CCSER1: variants seen among roughly 807,000 people sequenced by gnomAD.
CCSER1 encodes coiled-coil serine rich protein 1, also known as serine-rich coiled-coil domain-containing protein 1.
In CCSER1, 41 loss-of-function variants were observed where a neutral mutation model predicts 82.0. The observed-to-expected ratio is 0.50, with a 90% CI of 0.39 to 0.65. CCSER1 has a LOEUF of 0.65. CCSER1 is among the 30% of genes least tolerant of loss of function. The pLI, the probability that CCSER1 is intolerant of heterozygous loss-of-function variation, is 0.00. For missense variants in CCSER1, 1,119 were observed against 1,064.2 expected, an observed-to-expected ratio of 1.05 and a Z score of -0.72; for synonymous variants, 414 against 383.9, an observed-to-expected ratio of 1.08 and a Z score of -0.92.
chr4:90,221,910 A>T (rs2153421634), intron 1 of CCSER1, among the ~76,000 whole-genome samples: 1 of 152,334 alleles, frequency 6.6e-6, no homozygotes, highest in South Asian at 2.1e-4. Flanking sequence ...TGAATAAAAC[A>T]TAACTCATAT....
At chr4:90,538,293 A>G (rs1464143002) in intron 5 of CCSER1, among the ~76,000 whole-genome samples, 1 of 152,066 alleles carries the variant, frequency 6.6e-6, no homozygotes, top group Non-Finnish European at 1.5e-5. Flanking sequence ...GATATTCTCT[A>G]TATAAGATAT....
In CCSER1 at chr4:90,289,046, C is replaced by G. The variant is rs374732368; in HGVS notation, c.-41-19198C>G. ...TCCTTCCTCCTCTCCTCCTCTCTCCCTTTGGATTCCAGAAGTGAGAAAGTA... is the reference window on the plus strand; with the variant it reads ...TCCTTCCTCCTCTCCTCCTCTCTCCGTTTGGATTCCAGAAGTGAGAAAGTA... On this transcript the variant is annotated intron_variant, in intron 1 of 10. Coordinates refer to ENST00000509176, the MANE Select transcript of CCSER1 (RefSeq NM_001145065.2). 3.9e-5 allele frequency among the ~76,000 whole-genome samples: 6 copies of G among 152,008 alleles called. No individual in the cohort carries two copies. In the East Asian group the frequency reaches 1.2e-3, roughly 30 times the overall value.
intron 10 of CCSER1, among the ~76,000 whole-genome samples, chr4:91,384,867 A>G (rs1751175618): frequency 1.3e-5 from 2 of 152,090 alleles, no homozygotes; most frequent in African/African-American, 4.8e-5. Context: ...AAATGATGAG[A>G]AAAACGGAAA....
chr4:90,257,027 C>T (rs1369587089), intron 1 of CCSER1, among the ~76,000 whole-genome samples: 1 of 151,566 alleles, frequency 6.6e-6, no homozygotes, highest in Non-Finnish European at 1.5e-5. Flanking sequence ...TTCAGGCATC[C>T]ACTGCGGGGG....
intron 7 of CCSER1, chr4:90,780,489 G>T: frequency 6.2e-7 from 1 of 1,612,298 alleles, no homozygotes; most frequent in South Asian, 1.1e-5. Context: ...ATCAATTGAA[G>T]ATTGGGGTTC....
intron 10 of CCSER1, among the ~76,000 whole-genome samples, chr4:91,159,043 C>G (rs1731110010): frequency 6.6e-6 from 1 of 151,858 alleles, no homozygotes; most frequent in Non-Finnish European, 1.5e-5. Context: ...ATATTTCTCC[C>G]CTCCTTAAGA....
At chr4:90,983,029 A>T (rs529274998) in intron 9 of CCSER1, among the ~76,000 whole-genome samples, 1 of 151,822 alleles carries the variant, frequency 6.6e-6, no homozygotes, top group South Asian at 2.1e-4. Flanking sequence ...AGACCTTCTC[A>T]TTTACCAGTC....
At chr4:90,851,422 T>C (rs1401901413) in intron 8 of CCSER1, among the ~76,000 whole-genome samples, 1 of 145,556 alleles carries the variant, frequency 6.9e-6, no homozygotes, top group African/African-American at 2.5e-5. Flanking sequence ...CCAATCATTG[T>C]ATTAATTCTG....
chr4:90,618,813 T>C (rs979521627), intron 5 of CCSER1, among the ~76,000 whole-genome samples: 7 of 151,860 alleles, frequency 4.6e-5, no homozygotes, highest in African/African-American at 1.4e-4. Context: ...AATAAGTAAA[T>C]CACTTTAGAC....
intron 10 of CCSER1, among the ~76,000 whole-genome samples, chr4:91,338,962 C>A (rs1747515602): frequency 6.6e-6 from 1 of 152,160 alleles, no homozygotes; most frequent in African/African-American, 2.4e-5. Flanking sequence ...CATTTGAAGA[C>A]CACTGTTCCT....
intron 10 of CCSER1, among the ~76,000 whole-genome samples, chr4:91,233,136 G>A (rs947575918): frequency 6.6e-6 from 1 of 151,654 alleles, no homozygotes; most frequent in Non-Finnish European, 1.5e-5. Context: ...AAGAGAGGAA[G>A]GGAGGAAGGG....
chr4:90,417,753 G>A (rs1027229219), intron 4 of CCSER1, among the ~76,000 whole-genome samples: 2 of 152,238 alleles, frequency 1.3e-5, no homozygotes, highest in East Asian at 1.9e-4. Flanking sequence ...AACTCCTCCT[G>A]TGCCTATTAA....
intron 10 of CCSER1, among the ~76,000 whole-genome samples, chr4:91,110,998 G>A (rs1022150846): frequency 6.6e-6 from 1 of 151,858 alleles, no homozygotes; most frequent in Non-Finnish European, 1.5e-5. Context: ...CTTCTTAGGT[G>A]TATTTGAGTT....
intron 9 of CCSER1, among the ~76,000 whole-genome samples, chr4:91,005,050 A>G (rs910012751): frequency 6.6e-6 from 1 of 152,160 alleles, no homozygotes; most frequent in African/African-American, 2.4e-5. Context: ...TCCCTTTCCA[A>G]ATTCAGTCTG....
At chr4:90,565,347 T>C (rs1054724168) in intron 5 of CCSER1, among the ~76,000 whole-genome samples, 3 of 152,198 alleles carry the variant, frequency 2.0e-5, no homozygotes, top group Admixed American at 6.5e-5. Flanking sequence ...CTGATTTTTG[T>C]ATGTTGATTT....
At chr4:91,074,118 A>G (rs537876655) in intron 9 of CCSER1, among the ~76,000 whole-genome samples, 1 of 152,298 alleles carries the variant, frequency 6.6e-6, no homozygotes, top group African/African-American at 2.4e-5. Context: ...AAGAACTAAT[A>G]AGGGGTTGCA....
At chr4:90,494,667 G>T (rs1255400680) in intron 5 of CCSER1, among the ~76,000 whole-genome samples, 1 of 152,104 alleles carries the variant, frequency 6.6e-6, no homozygotes, top group African/African-American at 2.4e-5. Context: ...AAAAACAAAT[G>T]TCTGCAACGT....
intron 1 of CCSER1, among the ~76,000 whole-genome samples, chr4:90,131,253 G>A (rs967492025): frequency 3.9e-5 from 6 of 152,200 alleles, no homozygotes; most frequent in Non-Finnish European, 7.3e-5. Flanking sequence ...CACTCTCCTC[G>A]GCCTCCCGAA....
intron 10 of CCSER1, among the ~76,000 whole-genome samples, chr4:91,159,537 G>A (rs892169331): frequency 1.3e-5 from 2 of 151,822 alleles, no homozygotes; most frequent in African/African-American, 4.8e-5. Flanking sequence ...TATACATTAG[G>A]TATTATTGGA....
Sources: allele counts gnomAD v4.1 joint callset (sites outside exome capture counted in the v4.1 genomes callset), GRCh38; gene constraint gnomAD v4.1.1; transcripts MANE v1.5; gene names NCBI Gene and HGNC (gene_info 2026-07-23, HGNC 2026-07-21).